Variants in ITPR2 observed in about 807,000 individuals in gnomAD.
The protein encoded by ITPR2 is inositol 1,4,5-trisphosphate-gated calcium channel ITPR2.
In ITPR2, 207 loss-of-function variants were observed where a neutral mutation model predicts 317.1. The ratio of observed to expected loss-of-function variants is 0.65; its 90% confidence interval spans 0.58 to 0.73. ITPR2 has a LOEUF of 0.73. Among genes scored for constraint, ITPR2 ranks in the 30% least tolerant of loss-of-function variants. The probability of loss-of-function intolerance (pLI) is 0.00; values close to 1 mark genes in which losing one functional copy is unlikely to be tolerated. For missense variants in ITPR2, 2,613 were observed against 3,284.0 expected (o/e 0.80, Z 4.99); for synonymous variants, 1,156 against 1,149.1 (o/e 1.01, Z -0.12).
intron 37 of ITPR2, among the ~76,000 whole-genome samples, chr12:26,504,880 G>A (rs1398882951): frequency 6.6e-6 from 1 of 152,130 alleles, no homozygotes; most frequent in African/African-American, 2.4e-5. Flanking sequence ...ATATTATAGA[G>A]TAGTAAACAT....
intron 26 of ITPR2, among the ~76,000 whole-genome samples, chr12:26,617,382 T>G (rs11613398): frequency 0.14 from 21,613 of 152,160 alleles, 1,939 homozygotes; most frequent in Admixed American, 0.2. Flanking sequence ...ATGGAAAATT[T>G]GAATGAATTT....
chr12:26,759,627 C>A (rs569845542), intron 2 of ITPR2, among the ~76,000 whole-genome samples: 1 of 152,318 alleles, frequency 6.6e-6, no homozygotes, highest in Non-Finnish European at 1.5e-5. Flanking sequence ...ACAAGAATTA[C>A]TTCAAAGACT....
chr12:26,666,135 G>GAGATAGATAGATAGATAGAT (rs71437306), intron 13 of ITPR2, 84 bp from the exon 14 acceptor site: 10,100 of 411,170 alleles, frequency 0.025, 335 homozygotes, highest in East Asian at 0.08. Context: ...TAGGTAGGTA[G>GAGATAGATAGATAGATAGAT]AGATAGATAG....
chr12:26,791,262 C>T (rs1458687479), intron 1 of ITPR2, among the ~76,000 whole-genome samples: 1 of 151,936 alleles, frequency 6.6e-6, no homozygotes, highest in East Asian at 1.9e-4. Flanking sequence ...CCATTGGTTA[C>T]GTGGTGTGAA....
rs189968745 is a variant in ITPR2, at chr12:26,407,952, C to T, written c.7399+3368G>A. On this transcript the variant is annotated intron_variant, in intron 52 of 56. Coordinates refer to ENST00000381340, the MANE Select transcript of ITPR2 (RefSeq NM_002223.4). ...CTCAGGGCGTTCACTCTCAGATGTT[C>T]CATGTGGCCAGAACACACTTCTCCC... 2.6e-5 allele frequency among the ~76,000 whole-genome samples: 4 copies of T among 152,294 alleles called. No homozygotes were observed. The East Asian group carries it at 7.7e-4, about 29-fold the overall frequency.
At chr12:26,546,376 T>A (rs969012253) in intron 37 of ITPR2, among the ~76,000 whole-genome samples, 1 of 152,168 alleles carries the variant, frequency 6.6e-6, no homozygotes, top group Non-Finnish European at 1.5e-5. Context: ...CTGTTACCTA[T>A]CTTTCCACTC....
chr12:26,686,346 CAA>C, intron 11 of ITPR2, 133 bp downstream of exon 11: 1 of 506,850 alleles, frequency 2.0e-6, no homozygotes, highest in Non-Finnish European at 3.2e-6. Flanking sequence ...AGAAGAGATA[CAA>C]TGTTTTACAC....
At chr12:26,480,142 G>T (rs1591817809) in intron 43 of ITPR2, among the ~76,000 whole-genome samples, 1 of 152,262 alleles carries the variant, frequency 6.6e-6, no homozygotes, top group Non-Finnish European at 1.5e-5. Context: ...TGTAATTTAA[G>T]CAAGAATTAT....
In ITPR2 at chr12:26,712,521, T is replaced by C. The variant is rs536729845; in HGVS notation, c.856-1253A>G. Among the ~76,000 whole-genome samples, 13 of 152,272 alleles carry C rather than the reference T, an allele frequency of 8.5e-5. No homozygotes were observed. In the East Asian group the frequency reaches 1.7e-3, roughly 20 times the overall value. On this transcript the variant is annotated intron_variant, in intron 8 of 56. Coordinates refer to ENST00000381340, the MANE Select transcript of ITPR2 (RefSeq NM_002223.4). ...TCTCACATCACATTTCTTCCACAAA[T>C]CCTTTGCTAATCACACTGGCCACTG...
At chr12:26,627,539 C>T (rs575142387) in intron 23 of ITPR2, 1 of 152,958 alleles carries the variant, frequency 6.5e-6, no homozygotes, top group Non-Finnish European at 1.5e-5. Context: ...ACAGCAAACA[C>T]CCTCCACACC....
At chr12:26,772,416 A>T (rs1592113722) in intron 2 of ITPR2, among the ~76,000 whole-genome samples, 2 of 110,600 alleles carry the variant, frequency 1.8e-5, no homozygotes, top group South Asian at 5.0e-4. Context: ...ATACACATTT[A>T]TATATATTAT....
intron 4 of ITPR2, 26 bp downstream of exon 4, chr12:26,724,626 TACTC>T (rs1948889560): frequency 1.5e-6 from 2 of 1,370,258 alleles, no homozygotes; most frequent in South Asian, 1.2e-5. Context: ...CCACATAAAA[TACTC>T]ACCTCGTTTA....
At chr12:26,372,945 GGATCCATGTCTTC>G (rs1939229146) in intron 55 of ITPR2, among the ~76,000 whole-genome samples, 1 of 152,136 alleles carries the variant, frequency 6.6e-6, no homozygotes, top group Non-Finnish European at 1.5e-5. Context: ...TAGAGGGTCT[GGATCCATGTCTTC>G]GAAGAAAATT....
intron 55 of ITPR2, among the ~76,000 whole-genome samples, chr12:26,369,500 A>C (rs1426687937): frequency 1.3e-5 from 2 of 152,188 alleles, no homozygotes; most frequent in East Asian, 3.8e-4. Flanking sequence ...CGTGTATAAG[A>C]GGGATAGAGG....
At chr12:26,661,265 GGT>G (rs35462087) in intron 15 of ITPR2, among the ~76,000 whole-genome samples, 6,119 of 36,858 alleles carry the variant, frequency 0.17, 907 homozygotes, top group Non-Finnish European at 0.27. Context: ...ACTAGGTAGG[GGT>G]GTGTGTGTGG....
intron 2 of ITPR2, among the ~76,000 whole-genome samples, chr12:26,763,107 A>G (rs1009385607): frequency 1.2e-4 from 19 of 152,150 alleles, no homozygotes; most frequent in African/African-American, 3.9e-4. Context: ...CTAAGAGAGT[A>G]TATCTTAAAT....
At chr12:26,474,793 CAA>C (rs10616680) in intron 45 of ITPR2, among the ~76,000 whole-genome samples, 5,641 of 83,838 alleles carry the variant, frequency 0.067, 68 homozygotes, top group South Asian at 0.15. Context: ...GACTCCGTCT[CAA>C]AAAAAAAAAA....
intron 13 of ITPR2, among the ~76,000 whole-genome samples, chr12:26,671,512 C>T (rs1484127969): frequency 6.6e-6 from 1 of 152,030 alleles, no homozygotes; most frequent in Non-Finnish European, 1.5e-5. Flanking sequence ...GAGATTTTGT[C>T]ACCACCAGGC....
At chr12:26,571,907 C>A (rs1367878757) in intron 34 of ITPR2, among the ~76,000 whole-genome samples, 3 of 152,140 alleles carry the variant, frequency 2.0e-5, no homozygotes, top group Non-Finnish European at 4.4e-5. Flanking sequence ...ATTTTTGATG[C>A]TAGATGAGTT....
Sources: allele counts gnomAD v4.1 joint callset (sites outside exome capture counted in the v4.1 genomes callset), GRCh38; gene constraint gnomAD v4.1.1; transcripts MANE v1.5; gene names NCBI Gene and HGNC (gene_info 2026-07-23, HGNC 2026-07-21).